Variants in GTPBP3 observed in about 807,000 individuals in gnomAD.
GTPBP3 encodes the protein GTP binding protein 3, mitochondrial.
A neutral mutation model predicts 42.0 loss-of-function variants in GTPBP3; 35 were observed. The ratio of observed to expected loss-of-function variants is 0.83; its 90% CI spans 0.64 to 1.10. GTPBP3 has a LOEUF of 1.10. Ranked by LOEUF, GTPBP3 falls within the 50% of genes least tolerant of loss-of-function variation. The pLI is 0.00. For missense variants in GTPBP3, 691 were observed against 685.2 expected (o/e 1.01, Z -0.09); for synonymous variants, 332 against 314.9 (o/e 1.05, Z -0.58).
rs1045010 is a variant in GTPBP3, at chr19:17,342,557, T to C, written c.*854T>C. On this transcript the variant is annotated 3_prime_UTR_variant, in exon 9 of 9. Transcript: ENST00000324894. ...GTGCTGGGATCACAGGCGTGAGCTA[T>C]CACACCTGGCCCCAGAAGTGTTTCA... The C allele has an allele frequency of 0.088, 13,238 of 150,274 alleles. 672 individuals carry two copies. Among genetic ancestry groups the C allele is most frequent in the Non-Finnish European group, 0.11 (7,705 of 67,574 alleles). The allele number at this position is 150,274 out of a possible 1,614,324, so 9.3% of individuals were successfully genotyped here.
chr19:17,338,787 T>C, intron 4 of GTPBP3, 46 bp downstream of exon 4: 5 of 1,565,380 alleles, frequency 3.2e-6, no homozygotes, highest in Non-Finnish European at 4.3e-6. Context: ...ACCCCATCTG[T>C]GCAACCCCTG....
upstream of GTPBP3, among the ~76,000 whole-genome samples, chr19:17,335,688 C>G (rs2074360849): frequency 6.6e-6 from 1 of 152,120 alleles, no homozygotes; most frequent in Non-Finnish European, 1.5e-5. Context: ...TGGGTTTTAC[C>G]TGGCATTTGG....
intron 1 of GTPBP3, 171 bp from the exon 2 acceptor site, chr19:17,337,837 C>T: frequency 8.4e-7 from 1 of 1,185,938 alleles, no homozygotes; most frequent in South Asian, 1.6e-5. Context: ...TCCTTCTGGC[C>T]TCACAGTCCC....
Position 17,341,648 on chromosome 19 carries a change from G to C in GTPBP3, c.1424G>C (p.Gly475Ala), listed in dbSNP as rs200086297. The C allele has an allele frequency of 4.7e-5, 75 of 1,608,004 alleles. No individual in the cohort carries two copies. In the African/African-American group the frequency reaches 8.4e-4, roughly 18 times the overall value. ...RGHLTRLTGG[G>A]GTEEILDIIF... ...CACCTGACCCGGCTCACAGGTGGAG[G>C]GGGTACCGAGGAGATCCTGGACATC... The change falls in exon 9 of 9, where the codon GGG (glycine) becomes GCG (alanine). Residue 475 changes from glycine to alanine, a missense_variant. By Grantham distance (60) the Gly-to-Ala change is moderately conservative. Transcript: ENST00000324894.
At chr19:17,335,244 CTT>C (rs2074356943), upstream of GTPBP3, 4 of 1,391,478 alleles carry the variant, frequency 2.9e-6, no homozygotes, top group Non-Finnish European at 3.9e-6. Flanking sequence ...TGCTTAGGAA[CTT>C]TGCACGCACC....
Position 17,339,161 on chromosome 19 carries a change from G to A in GTPBP3, c.703G>A (p.Ala235Thr), listed in dbSNP as rs1568366695. 1 of 1,613,974 alleles carries A rather than the reference G, an allele frequency of 6.2e-7. No individual in the cohort carries two copies. The highest frequency in any genetic ancestry group is 1.7e-5 in the Admixed American group (1 of 60,030). Reference protein sequence around the residue: ...EVRALQVALGAHLRDARRGQR... With the variant: ...EVRALQVALGTHLRDARRGQR... ...ACGGGCACTGCAGGTGGCCCTGGGT[G>A]CACATCTACGAGATGCCAGGCGCGG... Residue 235 changes from alanine (A) to threonine (T), a missense_variant, in exon 6 of 9, where the codon GCA becomes ACA. Coordinates refer to ENST00000324894, the MANE Select transcript of GTPBP3 (RefSeq NM_032620.4).
chr19:17,338,842 C>T (rs1599559016), intron 4 of GTPBP3, 101 bp downstream of exon 4: 2 of 1,532,528 alleles, frequency 1.3e-6, no homozygotes, highest in African/African-American at 1.4e-5. Flanking sequence ...TGCGTGAAAG[C>T]TTCCGGCCTA....
rs777457013 is a variant in GTPBP3, at chr19:17,342,193, T to TC, written c.*492dup. ...ACCTTGGCTCACTGCAACCTCCATCTCCGGGGCTCAAGCGCTTCTCCTGCC... is the reference window on the plus strand; with the variant it reads ...ACCTTGGCTCACTGCAACCTCCATCTCCCGGGGCTCAAGCGCTTCTCCTGCC... On this transcript the variant is annotated 3_prime_UTR_variant, in exon 9 of 9. Transcript: ENST00000324894. 4 of 148,154 alleles carry TC rather than the reference T, an allele frequency of 2.7e-5. No homozygotes were observed. In the South Asian group the frequency reaches 7.1e-4, roughly 26 times the overall value. 9.2% of individuals were successfully genotyped at this position (148,154 alleles called of 1,614,324 possible). A position where few individuals can be genotyped will look rare whatever the true frequency, so the allele number is the denominator to read the frequency against.
At chr19:17,340,826 C>T (rs2074422639) in intron 7 of GTPBP3, 8 of 553,336 alleles carry the variant, frequency 1.4e-5, no homozygotes, top group South Asian at 1.0e-4. Flanking sequence ...TCTGCCCTTC[C>T]CCCTGCACTG....
rs1182682245 is a variant in GTPBP3 at position 17,338,993 on chromosome 19, G to A, written c.631G>A (p.Asp211Asn). ...HVEAYIDFGEDDNLEEGVLEQ... is the reference protein window; with the variant it reads ...HVEAYIDFGENDNLEEGVLEQ... ...GGAGGCCTATATCGATTTCGGCGAG[G>A]ATGACAACCTGGAGGAGGGGGTCCT... The change falls in exon 5 of 9, where the codon GAT becomes AAT. Residue 211 changes from aspartate (D) to asparagine (N), a missense_variant. By Grantham distance (23) the Asp-to-Asn change is conservative. Coordinates refer to ENST00000324894, the MANE Select transcript of GTPBP3 (RefSeq NM_032620.4). 2 of 1,613,450 alleles carry A rather than the reference G, an allele frequency of 1.2e-6. No homozygotes were observed. Among genetic ancestry groups the A allele is most frequent in the Non-Finnish European group, 1.7e-6 (2 of 1,179,516 alleles).
At position 17,338,523 on chromosome 19, in the gene GTPBP3, T is replaced by TG. The variant is rs201509276; in HGVS notation, c.389-13dup. 18,816 of 1,613,132 alleles carry TG rather than the reference T, an allele frequency of 0.012. 226 individuals are homozygous for TG. Among genetic ancestry groups the TG allele is most frequent in the Admixed American group, 0.054 (3,260 of 59,966 alleles). On this transcript the variant is annotated splice_polypyrimidine_tract_variant and intron_variant, in intron 3 of 8. Transcript: ENST00000324894. ...GGGTGGGGACCAGGGGGTGTCAGAC[T>TG]GGGACCTTCCTGCAGGCAGCGTGCC...
chr19:17,337,700 G>T, intron 1 of GTPBP3, 36 bp downstream of exon 1: 2 of 1,382,314 alleles, frequency 1.4e-6, no homozygotes, highest in Non-Finnish European at 1.9e-6. Flanking sequence ...ACAGCTTGGG[G>T]TGCTGCTTGG....
At chr19:17,336,105 G>C (rs531733451), upstream of GTPBP3, among the ~76,000 whole-genome samples, 2 of 151,534 alleles carry the variant, frequency 1.3e-5, no homozygotes, top group Non-Finnish European at 2.9e-5. Context: ...GCATGGTGGC[G>C]CACGCCTGTA....
At position 17,339,057 on chromosome 19, in the gene GTPBP3, C is replaced by T. The variant is rs568919152; in HGVS notation, c.664+31C>T. ...TCTACCTGGTGGTGGGGGAGGAAGA[C>T]ACCTCATATCAGCCCTCAAAGGCTC... On this transcript the variant is annotated intron_variant, in intron 5 of 8. Coordinates refer to ENST00000324894, the MANE Select transcript of GTPBP3 (RefSeq NM_032620.4). 1.3e-4 allele frequency: 205 copies of T among 1,614,180 alleles called. No individual in the cohort carries two copies. In the South Asian group the frequency reaches 2.1e-3, roughly 16 times the overall value.
At chr19:17,340,798 CGTGACCGCTCCTCT>C in intron 7 of GTPBP3, 17 of 561,130 alleles carry the variant, frequency 3.0e-5, no homozygotes, top group South Asian at 1.5e-4. Context: ...GCTCCCGCAC[CGTGACCGCTCCTCT>C]TGCTCTGCCC....
chr19:17,340,780 T>C (rs2074421943), intron 7 of GTPBP3, among the ~76,000 whole-genome samples: 4 of 128,336 alleles, frequency 3.1e-5, no homozygotes. Context: ...CCCCTCCTGC[T>C]CTGCCCCGCT....
At position 17,339,185 on chromosome 19, in the gene GTPBP3, G is replaced by T; in HGVS notation, c.727G>T (p.Gly243Trp). 6.2e-7 allele frequency: 1 copy of T among 1,613,732 alleles called. No individual in the cohort carries two copies. Among genetic ancestry groups the T allele is most frequent in the Non-Finnish European group, 8.5e-7 (1 of 1,180,012 alleles). ...LGAHLRDARR[G>W]QRLRSGVHVV... ...TGCACATCTACGAGATGCCAGGCGC[G>T]GGCAGAGGCTCCGCTCAGGGGTGCA... is the stretch of plus-strand genomic sequence containing the variant. The change falls in exon 6 of 9, where the codon GGG becomes TGG. Residue 243 changes from glycine to tryptophan, a missense_variant. Transcript: ENST00000324894.
At position 17,340,990 on chromosome 19, in the gene GTPBP3, G is replaced by A. The variant is rs1343496360; in HGVS notation, c.975-54G>A. The A allele has an allele frequency of 1.9e-6, 3 of 1,577,906 alleles. No individual in the cohort carries two copies. In the African/African-American group the frequency reaches 4.0e-5, roughly 21 times the overall value. The stretch of plus-strand genomic sequence containing the variant: ...GCCCCTCTAACTGTCCCTCCACCCA[G>A]TGCCTTCAATTGCTCAACCTGGGAT... On this transcript the variant is annotated intron_variant, in intron 7 of 8. Transcript: ENST00000324894.
chr19:17,338,305 C>G, intron 2 of GTPBP3, 50 bp downstream of exon 2: 2 of 1,606,136 alleles, frequency 1.2e-6, no homozygotes, highest in Non-Finnish European at 1.7e-6. Context: ...GACTCAGTTT[C>G]CCCCTTCCAA....
Sources: allele counts gnomAD v4.1 joint callset (sites outside exome capture counted in the v4.1 genomes callset), GRCh38; gene constraint gnomAD v4.1.1; transcripts MANE v1.5; gene names NCBI Gene and HGNC (gene_info 2026-07-23, HGNC 2026-07-21).